MOB3B: variants seen among roughly 807,000 people sequenced by gnomAD.
The protein encoded by MOB3B is MOB kinase activator 3B, also known as MOB kinase activator-like 2B.
MOB3B carries 7 observed loss-of-function variants against 18.7 expected under a neutral mutation model. That is an observed-to-expected ratio of 0.37 (90% CI 0.21 to 0.70). MOB3B has a LOEUF of 0.70. Ranked by LOEUF, MOB3B falls within the 30% of genes least tolerant of loss-of-function variation. The pLI is 0.52. For missense variants in MOB3B, 253 were observed against 281.3 expected, an observed-to-expected ratio of 0.90 and a Z score of 0.72; for synonymous variants, 111 against 99.9, an observed-to-expected ratio of 1.11 and a Z score of -0.66.
intron 1 of MOB3B, chr9:27,524,999 ATC>A (rs1432272667): frequency 2.0e-6 from 3 of 1,480,632 alleles, no homozygotes; most frequent in African/African-American, 1.4e-5. Context: ...TCCCTCCGAA[ATC>A]TCTTTCTCCT....
intron 1 of MOB3B, among the ~76,000 whole-genome samples, chr9:27,461,623 G>T (rs1276060114): frequency 1.3e-5 from 2 of 152,222 alleles, no homozygotes; most frequent in Non-Finnish European, 2.9e-5. Flanking sequence ...TCTGTCACAG[G>T]ACTATTCTGC....
At chr9:27,440,218 G>A (rs562298784) in intron 2 of MOB3B, among the ~76,000 whole-genome samples, 1 of 152,190 alleles carries the variant, frequency 6.6e-6, no homozygotes, top group Non-Finnish European at 1.5e-5. Flanking sequence ...GCAGGTTGAA[G>A]CAATGTGGCC....
Position 27,357,886 on chromosome 9 carries a change from TA to T in MOB3B, c.621+1147del, listed in dbSNP as rs1229235889. Among the ~76,000 whole-genome samples the T allele has an allele frequency of 8.0e-3, 203 of 25,304 alleles. 4 individuals are homozygous for T. Among genetic ancestry groups the T allele is most frequent in the African/African-American group, 0.027 (185 of 6,794 alleles). 16.6% of individuals were successfully genotyped at this position (25,304 alleles called of 152,430 possible). On this transcript the variant is annotated intron_variant, in intron 3 of 3. Transcript: ENST00000262244. ...AGTCAACATAATGAGATCCCATCGCTACAAAAAAAAAAAAAAAAAAAAAAAA... is the reference window on the plus strand; with the variant it reads ...AGTCAACATAATGAGATCCCATCGCTCAAAAAAAAAAAAAAAAAAAAAAAA...
intron 1 of MOB3B, among the ~76,000 whole-genome samples, chr9:27,523,951 GGTGAGTGAGTGA>G (rs909542533): frequency 2.0e-5 from 3 of 151,846 alleles, no homozygotes; most frequent in African/African-American, 7.3e-5. Flanking sequence ...AATAGATTTG[GGTGAGTGAGTGA>G]GTGAGTGAGT....
intron 2 of MOB3B, among the ~76,000 whole-genome samples, chr9:27,405,199 C>T (rs533247521): frequency 1.7e-4 from 24 of 137,272 alleles, no homozygotes; most frequent in East Asian, 2.4e-4. Flanking sequence ...CCTCTGCCTC[C>T]GGAGTTCAAG....
At chr9:27,378,525 C>T (rs998127432) in intron 2 of MOB3B, 1 of 470,978 alleles carries the variant, frequency 2.1e-6, no homozygotes, top group African/African-American at 2.0e-5. Context: ...ACTATTGGAA[C>T]CAGGGGGCAG....
At chr9:27,445,696 G>A (rs1256608369) in intron 2 of MOB3B, among the ~76,000 whole-genome samples, 1 of 152,000 alleles carries the variant, frequency 6.6e-6, no homozygotes, top group Non-Finnish European at 1.5e-5. Context: ...CCCAGGCTGG[G>A]TCAAGCAATC....
At chr9:27,406,310 T>G (rs1821976451) in intron 2 of MOB3B, among the ~76,000 whole-genome samples, 2 of 152,114 alleles carry the variant, frequency 1.3e-5, no homozygotes, top group Admixed American at 6.5e-5. Flanking sequence ...ACCAAGAAAG[T>G]AATCCCATTT....
intron 3 of MOB3B, among the ~76,000 whole-genome samples, chr9:27,356,060 G>A: frequency 6.6e-6 from 1 of 152,136 alleles, no homozygotes. Context: ...CATGTGCTAA[G>A]TATCCAGAGC....
intron 1 of MOB3B, among the ~76,000 whole-genome samples, chr9:27,468,967 C>T (rs1270157637): frequency 2.6e-5 from 4 of 152,158 alleles, no homozygotes; most frequent in African/African-American, 9.7e-5. Flanking sequence ...TGGAAGCATG[C>T]CCACTGGCTT....
chr9:27,525,023 A>G (rs1820413392), intron 1 of MOB3B: 18 of 1,377,374 alleles, frequency 1.3e-5, no homozygotes, highest in Non-Finnish European at 1.8e-5. Context: ...CTCCTCCTCC[A>G]ACTTCTTTTT....
At chr9:27,472,034 C>T (rs1819480394) in intron 1 of MOB3B, among the ~76,000 whole-genome samples, 1 of 151,966 alleles carries the variant, frequency 6.6e-6, no homozygotes, top group Non-Finnish European at 1.5e-5. Flanking sequence ...GTAGACTTGT[C>T]AAAAATGTTA....
intron 3 of MOB3B, among the ~76,000 whole-genome samples, chr9:27,355,431 A>G (rs763326392): frequency 1.3e-5 from 2 of 152,146 alleles, no homozygotes; most frequent in Non-Finnish European, 2.9e-5. Flanking sequence ...AAAATGTACA[A>G]CTAGAATGTG....
chr9:27,472,336 A>G (rs1819484955), intron 1 of MOB3B, among the ~76,000 whole-genome samples: 1 of 151,960 alleles, frequency 6.6e-6, no homozygotes, highest in Admixed American at 6.5e-5. Context: ...TTTTGCCCAG[A>G]GAAGTGTACT....
chr9:27,493,441 C>T (rs1819849188), intron 1 of MOB3B, among the ~76,000 whole-genome samples: 1 of 152,058 alleles, frequency 6.6e-6, no homozygotes, highest in South Asian at 2.1e-4. Flanking sequence ...AAGATCGAGA[C>T]CATCCTGGCT....
intron 2 of MOB3B, among the ~76,000 whole-genome samples, chr9:27,424,496 T>G (rs1418303896): frequency 2.0e-5 from 3 of 152,210 alleles, no homozygotes; most frequent in Admixed American, 6.5e-5. Flanking sequence ...TCATCTGTTC[T>G]TATATGAATC....
intron 2 of MOB3B, among the ~76,000 whole-genome samples, chr9:27,451,592 G>A (rs1239970812): frequency 6.6e-6 from 1 of 152,186 alleles, no homozygotes; most frequent in Non-Finnish European, 1.5e-5. Context: ...TTTCACATCT[G>A]TCAGTATTTT....
At position 27,331,884 on chromosome 9, in the gene MOB3B, A is replaced by G. The variant is rs73643182; in HGVS notation, c.622-1268T>C. On this transcript the variant is annotated intron_variant, in intron 3 of 3. Transcript: ENST00000262244. ...TGTTCAGAGAAGCGTTCTATTCGAA[A>G]ACCATACAGATGTGCTGGTTAAAGA... Among the ~76,000 whole-genome samples, 386 of 152,354 alleles carry G rather than the reference A, an allele frequency of 2.5e-3. 2 individuals carry two copies. Among genetic ancestry groups the G allele is most frequent in the African/African-American group, 8.0e-3 (332 of 41,582 alleles).
chr9:27,331,070 T>C (rs1306330822), intron 3 of MOB3B, among the ~76,000 whole-genome samples: 1 of 152,016 alleles, frequency 6.6e-6, no homozygotes, highest in Non-Finnish European at 1.5e-5. Context: ...GATTTAAGTT[T>C]CAATCAAAGA....
Sources: gnomAD v4.1 joint callset for allele counts (sites outside exome capture counted in the v4.1 genomes callset) on GRCh38, gnomAD v4.1.1 for gene constraint, MANE v1.5 for transcripts, NCBI Gene and HGNC (gene_info 2026-07-23, HGNC 2026-07-21) for gene names.